Variants in CFAP206 observed in about 807,000 individuals in gnomAD.
The protein encoded by CFAP206 is cilia and flagella associated protein 206.
Under a neutral mutation model 65.4 loss-of-function variants are expected in CFAP206, and 53 were observed. That is an observed-to-expected ratio of 0.81 (90% CI 0.65 to 1.02). The LOEUF (loss-of-function observed/expected upper bound fraction) is 1.02. Among genes scored for constraint, CFAP206 ranks in the 50% least tolerant of loss-of-function variants. The probability of loss-of-function intolerance (pLI) is 0.00; values close to 1 mark genes in which losing one functional copy is unlikely to be tolerated. For synonymous variants in CFAP206, 250 were observed against 254.4 expected (o/e 0.98, Z 0.17); for missense variants, 663 against 753.2 (o/e 0.88, Z 1.40).
At chr6:87,446,263 A>G (rs1768439358) in intron 11 of CFAP206, among the ~76,000 whole-genome samples, 1 of 152,202 alleles carries the variant, frequency 6.6e-6, no homozygotes, top group African/African-American at 2.4e-5. Flanking sequence ...CATTTTTGTC[A>G]TGAAATATTT....
Position 87,464,338 on chromosome 6 carries a change from T to TG in CFAP206, c.*88_*89insG. 2 of 971,884 alleles carry TG rather than the reference T, an allele frequency of 2.1e-6. No homozygotes were observed. The highest frequency in any genetic ancestry group is 2.9e-6 in the Non-Finnish European group (2 of 690,664). The allele number at this position is 971,884 out of a possible 1,614,324, so 60.2% of individuals were successfully genotyped here. A position where few individuals can be genotyped will look rare whatever the true frequency, so the allele number is the denominator to read the frequency against. ...ATATTAACATCTATACAAATTAATT[T>TG]TGTAGGGGTGGCACATTCATTGGTT... On this transcript the variant is annotated 3_prime_UTR_variant, in exon 13 of 13. Coordinates refer to ENST00000369562, the MANE Select transcript of CFAP206 (RefSeq NM_001031743.3).
At chr6:87,425,177 C>A (rs996813494) in intron 7 of CFAP206, among the ~76,000 whole-genome samples, 3 of 152,150 alleles carry the variant, frequency 2.0e-5, no homozygotes, top group African/African-American at 7.2e-5. Flanking sequence ...AACAAGCATT[C>A]ACGTGAAACT....
At chr6:87,452,655 C>T (rs574496497) in intron 11 of CFAP206, among the ~76,000 whole-genome samples, 12 of 152,068 alleles carry the variant, frequency 7.9e-5, no homozygotes, top group African/African-American at 2.9e-4. Context: ...TAATTAAAAA[C>T]AAGAAATTCT....
rs1396238583 is a variant in CFAP206 at position 87,409,711 on chromosome 6, G to A, written c.-5-124G>A. The A allele has an allele frequency of 6.5e-6, 4 of 616,240 alleles. No individual in the cohort carries two copies. The East Asian group carries it at 1.2e-4, about 19-fold the overall frequency. The allele number at this position is 616,240 out of a possible 1,614,324, so 38.2% of individuals were successfully genotyped here. ...GAGAGGCCTAGATACTAATAAAAAT[G>A]CTAATAAGCTAATAGATGATATTAT... On this transcript the variant is annotated intron_variant, in intron 1 of 12. Transcript: ENST00000369562.
chr6:87,452,114 T>C (rs1768557063), intron 11 of CFAP206, among the ~76,000 whole-genome samples: 1 of 152,104 alleles, frequency 6.6e-6, no homozygotes, highest in African/African-American at 2.4e-5. Flanking sequence ...TGGCGCAACA[T>C]GGGGAGAGAG....
At chr6:87,427,483 C>A (rs1243036452) in intron 8 of CFAP206, among the ~76,000 whole-genome samples, 1 of 152,204 alleles carries the variant, frequency 6.6e-6, no homozygotes, top group Non-Finnish European at 1.5e-5. Context: ...TAATAACTTT[C>A]TGCAGTCATC....
chr6:87,424,289 T>A (rs574895557), intron 7 of CFAP206, among the ~76,000 whole-genome samples: 7 of 152,328 alleles, frequency 4.6e-5, no homozygotes, highest in Non-Finnish European at 8.8e-5. Flanking sequence ...TATTTTTTTT[T>A]ATTTTTTTGG....
chr6:87,440,561 A>G (rs916191613), intron 11 of CFAP206, among the ~76,000 whole-genome samples: 1 of 152,318 alleles, frequency 6.6e-6, no homozygotes, highest in South Asian at 2.1e-4. Context: ...GCAGGGAGCG[A>G]TAATGTTAAA....
At chr6:87,428,145 G>T (rs191686600) in intron 8 of CFAP206, among the ~76,000 whole-genome samples, 1 of 151,812 alleles carries the variant, frequency 6.6e-6, no homozygotes, top group Non-Finnish European at 1.5e-5. Context: ...CCACCACCAC[G>T]CCTGGCTAAT....
chr6:87,464,183 G>A lies in CFAP206; in HGVS notation c.1802G>A (p.Arg601His), dbSNP rs771373579. Residue 601 changes from arginine to histidine, a missense_variant, in exon 13 of 13, where the codon CGT (arginine) becomes CAT (histidine). Physicochemically the swap from Arg to His is conservative, Grantham distance 29. Transcript: ENST00000369562. ...PRPQIYLAGLRGGKSEITDEV... is the reference protein window; with the variant it reads ...PRPQIYLAGLHGGKSEITDEV... ...CCTCAGATTTACTTGGCTGGTCTTCGTGGAGGAAAGAGCGAAATCACCGAT... is the reference window on the plus strand; with the variant it reads ...CCTCAGATTTACTTGGCTGGTCTTCATGGAGGAAAGAGCGAAATCACCGAT... The A allele has an allele frequency of 8.1e-6, 13 of 1,614,046 alleles. No homozygotes were observed. The East Asian group carries it at 1.8e-4, about 22-fold the overall frequency.
intron 11 of CFAP206, among the ~76,000 whole-genome samples, chr6:87,454,844 CAAA>C (rs200119526): frequency 1.1e-5 from 1 of 89,694 alleles, no homozygotes. Context: ...GACTCTGTCT[CAAA>C]AAAAAAAAAA....
chr6:87,461,540 C>G (rs1016366296), intron 12 of CFAP206, among the ~76,000 whole-genome samples: 2 of 151,896 alleles, frequency 1.3e-5, no homozygotes, highest in Admixed American at 6.6e-5. Flanking sequence ...TATCTCCAGA[C>G]CCTGGGCACT....
intron 3 of CFAP206, among the ~76,000 whole-genome samples, chr6:87,411,171 T>C (rs1767729274): frequency 6.6e-6 from 1 of 152,248 alleles, no homozygotes; most frequent in Non-Finnish European, 1.5e-5. Context: ...CAGCATCTGC[T>C]ACAGTATTTT....
chr6:87,432,013 G>A (rs1430103029), intron 10 of CFAP206, among the ~76,000 whole-genome samples: 1 of 152,158 alleles, frequency 6.6e-6, no homozygotes, highest in African/African-American at 2.4e-5. Flanking sequence ...ATCAGAGATA[G>A]AGATGAAAGA....
chr6:87,434,007 G>A (rs1228964165), intron 10 of CFAP206, among the ~76,000 whole-genome samples: 1 of 151,988 alleles, frequency 6.6e-6, no homozygotes, highest in African/African-American at 2.4e-5. Context: ...GGCTGAGACA[G>A]GAGAACTGCT....
chr6:87,445,133 G>A (rs937202138), intron 11 of CFAP206: 16 of 398,920 alleles, frequency 4.0e-5, no homozygotes, highest in East Asian at 1.4e-4. Context: ...TATCATTTGC[G>A]TAATCCATCA....
At chr6:87,428,576 A>G (rs577348374) in intron 8 of CFAP206, 50 bp from the exon 9 acceptor site, 5 of 1,499,534 alleles carry the variant, frequency 3.3e-6, no homozygotes, top group African/African-American at 1.4e-5. Context: ...ACAGTGATTT[A>G]TAATTTTATT....
intron 3 of CFAP206, among the ~76,000 whole-genome samples, chr6:87,411,229 C>T (rs9450675): frequency 0.3 from 43,948 of 148,196 alleles, 6,459 homozygotes; most frequent in African/African-American, 0.35. Context: ...TTAACTAGTT[C>T]GTCATATACT....
chr6:87,453,842 A>C (rs1315664230), intron 11 of CFAP206, among the ~76,000 whole-genome samples: 1 of 152,172 alleles, frequency 6.6e-6, no homozygotes, highest in Non-Finnish European at 1.5e-5. Context: ...ACCACAAAAC[A>C]ACCAGAAAGC....
Sources: allele counts gnomAD v4.1 joint callset (sites outside exome capture counted in the v4.1 genomes callset), GRCh38; gene constraint gnomAD v4.1.1; transcripts MANE v1.5; gene names NCBI Gene and HGNC (gene_info 2026-07-23, HGNC 2026-07-21).